Variants in BOP1 observed in about 807,000 individuals in gnomAD.
BOP1 encodes the protein BOP1 ribosomal biogenesis factor, also known as ribosome biogenesis protein BOP1.
BOP1 carries 54 observed loss-of-function variants against 82.9 expected under a neutral mutation model. The observed-to-expected ratio is 0.65, with a 90% CI of 0.52 to 0.82. The LOEUF is 0.82. BOP1 is among the 40% of genes least tolerant of loss of function. The pLI, the probability that BOP1 is intolerant of heterozygous loss-of-function variation, is 0.00. For missense variants in BOP1, 1,170 were observed against 1,072.0 expected, an observed-to-expected ratio of 1.09 and a Z score of -1.28; for synonymous variants, 566 against 451.1, an observed-to-expected ratio of 1.25 and a Z score of -3.23.
rs896616623 is a variant in BOP1 at position 144,275,781 on chromosome 8, G to C, written c.390+443C>G. Among the ~76,000 whole-genome samples the C allele has an allele frequency of 2.6e-5, 4 of 152,058 alleles. No individual in the cohort carries two copies. In the East Asian group the frequency reaches 7.7e-4, roughly 29 times the overall value. On this transcript the variant is annotated intron_variant, in intron 3 of 15. Transcript: ENST00000569669. ...AGGTGGCCCTGGCCCTGTTCTGCCC[G>C]CCTGGCCCCCAGCCAACCTGTGGCC...
At chr8:144,272,226 A>G (rs1845503346) in intron 3 of BOP1, among the ~76,000 whole-genome samples, 1 of 151,742 alleles carries the variant, frequency 6.6e-6, no homozygotes, top group Non-Finnish European at 1.5e-5. Context: ...CCCACAACTC[A>G]GAGCTACAAC....
intron 1 of BOP1, 79 bp from the exon 2 acceptor site, chr8:144,289,383 G>A (rs1338149790): frequency 2.5e-5 from 36 of 1,453,638 alleles, no homozygotes; most frequent in Non-Finnish European, 3.0e-5. Context: ...GCTGCCTCTC[G>A]CCCCTCCAGC....
Position 144,264,127 on chromosome 8 carries a change from G to T in BOP1, c.994C>A (p.Gln332Lys). 1 of 1,610,718 alleles carries T rather than the reference G, an allele frequency of 6.2e-7. No individual in the cohort carries two copies. The highest frequency in any genetic ancestry group is 2.2e-5 in the East Asian group (1 of 44,840). Residue 332 changes from glutamine to lysine, a missense_variant, in exon 8 of 16, where the codon CAG becomes AAG. Gln to Lys is a moderately conservative substitution (Grantham distance 53, BLOSUM62 1). Transcript: ENST00000569669. ...LSEEERLAWE[Q>K]QEPGERKLSF... The stretch of plus-strand genomic sequence containing the variant: ...AGCTTCCTCTCGCCTGGCTCCTGCT[G>T]TTCCCACGCCAAGCGCTGTGGAGAC...
Position 144,264,305 on chromosome 8 carries a change from C to A in BOP1, c.898G>T (p.Val300Leu). Reference protein sequence around the residue: ...NAVLGRHKMHVPAPKLALPGH... With the variant: ...NAVLGRHKMHLPAPKLALPGH... ...GGCAGGGCCAGCTTGGGAGCAGGTA[C>A]GTGCATCTTGTGGCGCCCGAGCACG... The change falls in exon 7 of 16, where the codon GTA becomes TTA. Residue 300 changes from valine (V) to leucine (L), a missense_variant. By Grantham distance (32) the Val-to-Leu change is conservative. Transcript: ENST00000569669. 2 of 1,610,966 alleles carry A rather than the reference C, an allele frequency of 1.2e-6. No individual in the cohort carries two copies. The highest frequency in any genetic ancestry group is 1.7e-6 in the Non-Finnish European group (2 of 1,179,568).
chr8:144,267,878 C>T (rs951113702), intron 3 of BOP1, among the ~76,000 whole-genome samples: 2 of 152,234 alleles, frequency 1.3e-5, no homozygotes, highest in African/African-American at 4.8e-5. Context: ...CTCCAGACAG[C>T]ACGCGCGAGC....
At chr8:144,266,311 C>G (rs1204424238) in intron 3 of BOP1, among the ~76,000 whole-genome samples, 1 of 152,070 alleles carries the variant, frequency 6.6e-6, no homozygotes, top group East Asian at 1.9e-4. Context: ...CCCGCCCCCC[C>G]CACCCCCGCC....
chr8:144,285,485 C>T (rs965554193), intron 2 of BOP1, among the ~76,000 whole-genome samples: 3 of 152,174 alleles, frequency 2.0e-5, no homozygotes, highest in East Asian at 3.9e-4. Context: ...AACATCATCT[C>T]GTCCTTCAGG....
chr8:144,271,459 T>C (rs1845491335), intron 3 of BOP1, among the ~76,000 whole-genome samples: 1 of 151,688 alleles, frequency 6.6e-6, no homozygotes, highest in Non-Finnish European at 1.5e-5. Flanking sequence ...CCAGCCCCTC[T>C]CCGATTACAA....
intron 2 of BOP1, among the ~76,000 whole-genome samples, chr8:144,284,467 C>G (rs1007839853): frequency 1.1e-4 from 17 of 152,194 alleles, no homozygotes; most frequent in Non-Finnish European, 2.2e-4. Context: ...AGGCACTCTA[C>G]GGGCACCAAG....
At position 144,278,290 on chromosome 8, in the gene BOP1, A is replaced by G. The variant is rs587635993; in HGVS notation, c.310-1986T>C. ...GCTGGGGCCAAGGAAAGGCTGCTGT[A>G]GTCCCTGAACCCTGCGTGGCCTCTG... On this transcript the variant is annotated intron_variant, in intron 2 of 15. Coordinates refer to ENST00000569669, the MANE Select transcript of BOP1 (RefSeq NM_015201.5). Among the ~76,000 whole-genome samples the G allele has an allele frequency of 5.5e-4, 84 of 151,734 alleles. 1 individual carries two copies. The highest frequency in any genetic ancestry group is 1.9e-3 in the African/African-American group (78 of 41,312).
chr8:144,263,832 A>G lies in BOP1; in HGVS notation c.1220T>C (p.Leu407Pro), dbSNP rs1438425186. Residue 407 changes from leucine (L) to proline (P), a missense_variant and splice_region_variant, in exon 9 of 16, where the codon CTG (leucine) becomes CCG (proline). By Grantham distance (98) the Leu-to-Pro change is moderately conservative (BLOSUM62 -3). Transcript: ENST00000569669. ...CCCAGCCCCCTAGTCTCCACTTACCAGGGCCTGGCACGTGGGGAAGGGCTG... is the reference window on the plus strand; with the variant it reads ...CCCAGCCCCCTAGTCTCCACTTACCGGGGCCTGGCACGTGGGGAAGGGCTG... ...DLQPFPTCQA[L>P]VYRGHSDLVR... 1.2e-6 allele frequency: 2 copies of G among 1,610,970 alleles called. No homozygotes were observed. Among genetic ancestry groups the G allele is most frequent in the Non-Finnish European group, 1.7e-6 (2 of 1,179,600 alleles).
At chr8:144,277,052 G>C (rs764358186) in intron 2 of BOP1, among the ~76,000 whole-genome samples, 97 of 152,302 alleles carry the variant, frequency 6.4e-4, no homozygotes, top group South Asian at 1.7e-3. Flanking sequence ...CAACCGGATC[G>C]GGTTTACTGG....
intron 2 of BOP1, among the ~76,000 whole-genome samples, chr8:144,285,843 GAGGTGGCGGAGATAC>G (rs1554839407): frequency 1.3e-5 from 2 of 152,264 alleles, no homozygotes; most frequent in African/African-American, 4.8e-5. Flanking sequence ...ATGCGAGTGG[GAGGTGGCGGAGATAC>G]AGGCGTAAGG....
intron 3 of BOP1, among the ~76,000 whole-genome samples, chr8:144,274,825 G>A (rs1250250845): frequency 2.0e-5 from 3 of 152,210 alleles, no homozygotes; most frequent in Non-Finnish European, 2.9e-5. Context: ...CGGCCTCCGC[G>A]CTCCGTTTAC....
intron 2 of BOP1, among the ~76,000 whole-genome samples, chr8:144,277,374 A>G (rs1845583698): frequency 6.6e-6 from 1 of 152,196 alleles, no homozygotes; most frequent in African/African-American, 2.4e-5. Context: ...GAGCCCCCAC[A>G]GCCGCAGCAG....
chr8:144,270,310 C>T (rs11248212), intron 3 of BOP1, among the ~76,000 whole-genome samples: 46,644 of 151,994 alleles, frequency 0.31, 8,172 homozygotes, highest in East Asian at 0.58. Context: ...GGGAAAGAGA[C>T]GTCAGAGCCC....
rs141018310 is a variant in BOP1 at position 144,288,859 on chromosome 8, C to T, written c.309+236G>A. The stretch of plus-strand genomic sequence containing the variant: ...GTTGCCAGGAGGGTTGCCCGAGCAT[C>T]GTCTGACGGGGAAGGGCCTAGGCAT... On this transcript the variant is annotated intron_variant, in intron 2 of 15. Transcript: ENST00000569669. Among the ~76,000 whole-genome samples, 128 of 152,332 alleles carry T rather than the reference C, an allele frequency of 8.4e-4. 1 individual carries two copies. Among genetic ancestry groups the T allele is most frequent in the Non-Finnish European group, 1.0e-3 (71 of 68,036 alleles).
At chr8:144,275,819 C>T (rs1320940202) in intron 3 of BOP1, among the ~76,000 whole-genome samples, 1 of 152,118 alleles carries the variant, frequency 6.6e-6, no homozygotes, top group Non-Finnish European at 1.5e-5. Context: ...CCCCACAGCA[C>T]ACACGACAGG....
At position 144,263,312 on chromosome 8, in the gene BOP1, G is replaced by A; in HGVS notation, c.1514C>T (p.Pro505Leu). ...TDQLLSAFVP[P>L]EEPPLQPARW... Reference sequence around the variant, plus strand: ...GGCCGGCTGCAAGGGGGGCTCCTCAGGCGGGACGAAGGCGCTCAACAGCTG... The same window carrying A: ...GGCCGGCTGCAAGGGGGGCTCCTCAAGCGGGACGAAGGCGCTCAACAGCTG... The change falls in exon 12 of 16, where the codon CCT becomes CTT. Residue 505 changes from proline to leucine, a missense_variant. Transcript: ENST00000569669. 1.3e-6 allele frequency: 2 copies of A among 1,594,168 alleles called. No homozygotes were observed. The highest frequency in any genetic ancestry group is 1.7e-6 in the Non-Finnish European group (2 of 1,178,822).
Sources: gnomAD v4.1 joint callset for allele counts (sites outside exome capture counted in the v4.1 genomes callset) on GRCh38, gnomAD v4.1.1 for gene constraint, MANE v1.5 for transcripts, NCBI Gene and HGNC (gene_info 2026-07-23, HGNC 2026-07-21) for gene names.